Variants in SEPTIN8 observed in about 807,000 individuals in gnomAD.
SEPTIN8 encodes the protein septin 8.
In SEPTIN8, 22 loss-of-function variants were observed where a neutral mutation model predicts 53.1. That is an observed-to-expected ratio of 0.41 (90% CI 0.30 to 0.59). SEPTIN8 has a LOEUF of 0.59. SEPTIN8 is among the 20% of genes least tolerant of loss of function. The pLI is 0.24. For missense variants in SEPTIN8, 536 were observed against 638.7 expected (o/e 0.84, Z 1.73); for synonymous variants, 228 against 248.4 (o/e 0.92, Z 0.77).
rs752853820 is a variant in SEPTIN8 at position 132,776,710 on chromosome 5, G to A, written c.30+398C>T. On this transcript the variant is annotated intron_variant, in intron 1 of 9. Coordinates refer to ENST00000378719, the MANE Select transcript of SEPTIN8 (RefSeq NM_001098811.2). The surrounding 1 kb of genome is among the most constrained non-coding windows in gnomAD (Gnocchi z 4.4). ...CGGCTGTACCTATCCCGCAGCACCT[G>A]TGCGGCTAGGACTCTTCCCCAAGTG... Among the ~76,000 whole-genome samples, 4 of 152,192 alleles carry A rather than the reference G, an allele frequency of 2.6e-5. No individual in the cohort carries two copies. Among genetic ancestry groups the A allele is most frequent in the Admixed American group, 6.5e-5 (1 of 15,286 alleles).
chr5:132,777,996 C>T (rs957730991), upstream of SEPTIN8: 2 of 985,370 alleles, frequency 2.0e-6, no homozygotes, highest in African/African-American at 3.5e-5. The surrounding 1 kb of genome is among the most constrained non-coding windows in gnomAD (Gnocchi z 4.1). Context: ...ATGGTTCCAC[C>T]ATTGTGCAAA....
chr5:132,757,848 A>G (rs1373379108), intron 9 of SEPTIN8: 1 of 985,416 alleles, frequency 1.0e-6, no homozygotes, highest in East Asian at 1.1e-4. Context: ...TATATACATC[A>G]GACACCTTCA....
rs1754859077 is a variant in SEPTIN8 at position 132,751,740 on chromosome 5, T to A, written c.*276A>T. 3 of 596,478 alleles carry A rather than the reference T, an allele frequency of 5.0e-6. No individual in the cohort carries two copies. The highest frequency in any genetic ancestry group is 4.2e-5 in the South Asian group (2 of 47,332). 36.9% of individuals were successfully genotyped at this position (596,478 alleles called of 1,614,324 possible). A position where few individuals can be genotyped will look rare whatever the true frequency, so the allele number is the denominator to read the frequency against. Reference sequence around the variant, plus strand: ...GTACTTTCCGCTCATAACGATGATGTCACAAAGCAGACTTTTTTTTTTTTT... The same window carrying A: ...GTACTTTCCGCTCATAACGATGATGACACAAAGCAGACTTTTTTTTTTTTT... On this transcript the variant is annotated 3_prime_UTR_variant, in exon 10 of 10. Coordinates refer to ENST00000378719, the MANE Select transcript of SEPTIN8 (RefSeq NM_001098811.2).
At chr5:132,767,301 G>C (rs1756698857) in intron 1 of SEPTIN8, among the ~76,000 whole-genome samples, 1 of 152,044 alleles carries the variant, frequency 6.6e-6, no homozygotes, top group East Asian at 1.9e-4. Context: ...CCCTTAGCAT[G>C]GTGTTCCAGG....
In SEPTIN8 at chr5:132,765,470, G is replaced by C. The variant is rs564003948; in HGVS notation, c.90C>G (p.Leu30=). 2.3e-5 allele frequency: 37 copies of C among 1,613,500 alleles called. 1 individual carries two copies. In the South Asian group the frequency reaches 3.5e-4, roughly 15 times the overall value. ...SLGGHVGFDS[L]PDQLVSKSVT... ...CCGACTTGCTGACCAGCTGGTCGGG[G>C]AGGCTGTCGAAACCCACATGGCCGC... The change falls in exon 2 of 10, where the codon CTC becomes CTG. Residue 30 remains leucine, a synonymous_variant. Coordinates refer to ENST00000378719, the MANE Select transcript of SEPTIN8 (RefSeq NM_001098811.2).
At chr5:132,755,962 TAAATC>T (rs1293913731) in intron 9 of SEPTIN8, 1 of 976,624 alleles carries the variant, frequency 1.0e-6, no homozygotes, top group African/African-American at 1.8e-5. Context: ...CAGGAAACGT[TAAATC>T]AGAAAAGCTA....
At position 132,764,290 on chromosome 5, in the gene SEPTIN8, T is replaced by A; in HGVS notation, c.281A>T (p.Asn94Ile). The change falls in exon 3 of 10, where the codon AAC becomes ATC. Residue 94 changes from asparagine (N) to isoleucine (I), a missense_variant. Transcript: ENST00000378719. ...RPQTYDLQES[N>I]VQLKLTIVDA... is the part of the protein sequence containing the mutation. Reference sequence around the variant, plus strand: ...CACAATGGTCAGCTTGAGCTGCACGTTGCTCTCCTGGAGGTCATAGGTCTG... The same window carrying A: ...CACAATGGTCAGCTTGAGCTGCACGATGCTCTCCTGGAGGTCATAGGTCTG... 6.2e-7 allele frequency: 1 copy of A among 1,614,190 alleles called. No individual in the cohort carries two copies. Among genetic ancestry groups the A allele is most frequent in the Non-Finnish European group, 8.5e-7 (1 of 1,180,026 alleles).
intron 1 of SEPTIN8, among the ~76,000 whole-genome samples, chr5:132,770,289 A>G (rs1287198034): frequency 6.7e-6 from 1 of 150,284 alleles, no homozygotes; most frequent in Non-Finnish European, 1.5e-5. Flanking sequence ...AGCAATTCTC[A>G]TGCCTCAGAC....
At position 132,777,029 on chromosome 5, in the gene SEPTIN8, G is replaced by A. The variant is rs1757869634; in HGVS notation, c.30+79C>T. 2.1e-6 allele frequency: 2 copies of A among 940,362 alleles called. No homozygotes were observed. The highest frequency in any genetic ancestry group is 1.3e-6 in the Non-Finnish European group (1 of 748,998). The allele number at this position is 940,362 out of a possible 1,614,324, so 58.3% of individuals were successfully genotyped here. On this transcript the variant is annotated intron_variant, in intron 1 of 9. Transcript: ENST00000378719. This position sits in a 1 kb window ranked among gnomAD's most constrained non-coding sequence, Gnocchi z 4.1. Reference sequence around the variant, plus strand: ...CCGTGAGGCGCTGACAGCCCGCTTCGCGCCCCCCGCCAGCTGCAGGGCGGC... The same window carrying A: ...CCGTGAGGCGCTGACAGCCCGCTTCACGCCCCCCGCCAGCTGCAGGGCGGC...
In SEPTIN8 at chr5:132,758,112, C is replaced by T. The variant is rs185978374; in HGVS notation, c.1286+2690G>A. On this transcript the variant is annotated intron_variant, in intron 9 of 9. Coordinates refer to ENST00000378719, the MANE Select transcript of SEPTIN8 (RefSeq NM_001098811.2). ...CGCTGGACATGGTCTTGTTCATGTT[C>T]CAATTCCATCCATAAAGAAATGCCA... is the stretch of plus-strand genomic sequence containing the variant. 4,021 of 1,018,506 alleles carry T rather than the reference C, an allele frequency of 3.9e-3. 8 individuals are homozygous for T. Among genetic ancestry groups the T allele is most frequent in the Non-Finnish European group, 4.4e-3 (3,726 of 850,188 alleles). The allele number at this position is 1,018,506 out of a possible 1,614,324, so 63.1% of individuals were successfully genotyped here.
chr5:132,755,299 C>G (rs562701850), intron 9 of SEPTIN8, among the ~76,000 whole-genome samples: 1 of 152,190 alleles, frequency 6.6e-6, no homozygotes, highest in Non-Finnish European at 1.5e-5. Context: ...TCTGCTCTTC[C>G]TCAGCCACTT....
Position 132,776,835 on chromosome 5 carries a change from G to C in SEPTIN8, c.30+273C>G, listed in dbSNP as rs1267015075. ...CTATCTTCGCACCTGCCCGGAGCCA[G>C]GCGGGTCTTTGCTCCTTCCCGCGAA... is the stretch of plus-strand genomic sequence containing the variant. On this transcript the variant is annotated intron_variant, in intron 1 of 9. Transcript: ENST00000378719. The surrounding 1 kb of genome is among the most constrained non-coding windows in gnomAD (Gnocchi z 4.4). Among the ~76,000 whole-genome samples, 1 of 152,194 alleles carries C rather than the reference G, an allele frequency of 6.6e-6. No individual in the cohort carries two copies. The highest frequency in any genetic ancestry group is 1.5e-5 in the Non-Finnish European group (1 of 68,020).
chr5:132,752,290 C>A, intron 9 of SEPTIN8, 109 bp from the exon 10 acceptor site: 2 of 1,373,112 alleles, frequency 1.5e-6, no homozygotes, highest in South Asian at 3.0e-5. Flanking sequence ...CCCTTGTAGC[C>A]TCTGGAAAAT....
At chr5:132,759,682 G>A (rs1007339896) in intron 9 of SEPTIN8, among the ~76,000 whole-genome samples, 1 of 152,204 alleles carries the variant, frequency 6.6e-6, no homozygotes, top group Non-Finnish European at 1.5e-5. Flanking sequence ...GGAGGAAATG[G>A]ATCCCGAGAA....
intron 9 of SEPTIN8, chr5:132,758,697 G>A (rs2149960388): frequency 6.2e-7 from 1 of 1,602,752 alleles, no homozygotes; most frequent in East Asian, 2.2e-5. Flanking sequence ...AAACACTGGA[G>A]TCTGTACCGG....
rs1369131612 is a variant in SEPTIN8, at chr5:132,763,735, G to T, written c.505C>A (p.Leu169Ile). 2 of 1,614,046 alleles carry T rather than the reference G, an allele frequency of 1.2e-6. No individual in the cohort carries two copies. Among genetic ancestry groups the T allele is most frequent in the African/African-American group, 1.3e-5 (1 of 74,942 alleles). Residue 169 changes from leucine (L) to isoleucine (I), a missense_variant, in exon 4 of 10, where the codon CTA becomes ATA. By Grantham distance (5) the Leu-to-Ile change is conservative (BLOSUM62 2). This residue lies in a region of SEPTIN8 where 395 missense variants were observed against 451.8 expected (regional missense o/e 0.87). Coordinates refer to ENST00000378719, the MANE Select transcript of SEPTIN8 (RefSeq NM_001098811.2). ...PTGHSLKSLDLVTMKKLDSKV... is the reference protein window; with the variant it reads ...PTGHSLKSLDIVTMKKLDSKV... ...CTGTCTAGTTTCTTCATGGTCACTA[G>T]ATCTAGAGACTTCAGGGAGTGCCCT...
chr5:132,753,287 G>C (rs76476505), intron 9 of SEPTIN8: 3,766 of 313,922 alleles, frequency 0.012, 147 homozygotes, highest in African/African-American at 0.073. Flanking sequence ...CTCCAGCAAG[G>C]GTTGGCATTG....
rs1398316228 is a variant in SEPTIN8, at chr5:132,763,689, G to A, written c.534+17C>T. The A allele has an allele frequency of 6.2e-7, 1 of 1,608,846 alleles. No homozygotes were observed. Among genetic ancestry groups the A allele is most frequent in the South Asian group, 1.1e-5 (1 of 90,852 alleles). ...GAAGACTATGGAGCCTGTGACAGCA[G>A]GTGGGGACAGGGATACCTTGCTGTC... On this transcript the variant is annotated intron_variant, in intron 4 of 9. Transcript: ENST00000378719.
intron 9 of SEPTIN8, among the ~76,000 whole-genome samples, chr5:132,755,634 G>A (rs920721840): frequency 6.6e-6 from 1 of 152,200 alleles, no homozygotes; most frequent in Non-Finnish European, 1.5e-5. Flanking sequence ...GTTCCGAGCA[G>A]TCCTGGCACT....
Sources: gnomAD v4.1 joint callset for allele counts (sites outside exome capture counted in the v4.1 genomes callset) on GRCh38, gnomAD v4.1.1 for gene constraint, gnomAD v4.1.1 regional missense constraint, Gnocchi (gnomAD v3.1) non-coding constraint, MANE v1.5 for transcripts, NCBI Gene and HGNC (gene_info 2026-07-23, HGNC 2026-07-21) for gene names.